MVB12B: variants seen among roughly 807,000 people sequenced by gnomAD.
MVB12B encodes the protein ESCRT-I complex subunit MVB12B.
In MVB12B, 16 loss-of-function variants were observed where a neutral mutation model predicts 41.6. The observed-to-expected ratio is 0.38, with a 90% CI of 0.26 to 0.58. The LOEUF (loss-of-function observed/expected upper bound fraction) is 0.58. MVB12B is among the 20% of genes least tolerant of loss of function. MVB12B has a pLI of 0.62. For synonymous variants in MVB12B, 133 were observed against 139.7 expected (o/e 0.95, Z 0.34); for missense variants, 274 against 380.2 (o/e 0.72, Z 2.32).
chr9:126,439,110 C>G (rs1832568174), intron 7 of MVB12B, among the ~76,000 whole-genome samples: 1 of 152,022 alleles, frequency 6.6e-6, no homozygotes, highest in South Asian at 2.1e-4. Flanking sequence ...AATACACTTC[C>G]ACCAGCAACA....
At chr9:126,400,810 C>T (rs892612746) in intron 6 of MVB12B, among the ~76,000 whole-genome samples, 9 of 152,326 alleles carry the variant, frequency 5.9e-5, no homozygotes, top group African/African-American at 1.7e-4. Flanking sequence ...CCACAACGTC[C>T]GGGGCCCTCC....
At chr9:126,341,862 A>G (rs1303377357) in intron 2 of MVB12B, among the ~76,000 whole-genome samples, 1 of 152,194 alleles carries the variant, frequency 6.6e-6, no homozygotes, top group Non-Finnish European at 1.5e-5. Context: ...GCAATGGTCA[A>G]GGCAGATCTG....
intron 2 of MVB12B, among the ~76,000 whole-genome samples, chr9:126,371,051 T>C (rs1174807701): frequency 1.3e-5 from 2 of 152,260 alleles, no homozygotes; most frequent in East Asian, 3.8e-4. Flanking sequence ...TCCTCTGTAG[T>C]GACGATCAGG....
intron 6 of MVB12B, chr9:126,408,281 A>T (rs1831508179): frequency 6.6e-6 from 1 of 152,244 alleles, no homozygotes; most frequent in Non-Finnish European, 1.5e-5. Context: ...ACACAACTTC[A>T]ATTAGTTTGC....
chr9:126,374,577 G>A (rs1247141942), intron 2 of MVB12B, among the ~76,000 whole-genome samples: 1 of 152,242 alleles, frequency 6.6e-6, no homozygotes, highest in Non-Finnish European at 1.5e-5. Context: ...GTAGAGCCTT[G>A]TGTCGATTCT....
rs1217192953 is a variant in MVB12B at position 126,480,803 on chromosome 9, C to A, written c.758-566C>A. 1 of 152,646 alleles carries A rather than the reference C, an allele frequency of 6.6e-6. No individual in the cohort carries two copies. The highest frequency in any genetic ancestry group is 1.9e-4 in the East Asian group (1 of 5,212). The allele number at this position is 152,646 out of a possible 1,614,324, so 9.5% of individuals were successfully genotyped here. The stretch of plus-strand genomic sequence containing the variant: ...CACCCTGTCATGTAGGTGGCGCCAT[C>A]TTTTTAAATGTGACTTCAGTTTTTC... On this transcript the variant is annotated intron_variant, in intron 7 of 9. Coordinates refer to ENST00000361171, the MANE Select transcript of MVB12B (RefSeq NM_033446.3). This position sits in a 1 kb window ranked among gnomAD's most constrained non-coding sequence, Gnocchi z 4.9.
Position 126,386,707 on chromosome 9 carries a change from C to T in MVB12B, c.409+49C>T, listed in dbSNP as rs1830805073. The T allele has an allele frequency of 7.3e-7, 1 of 1,363,988 alleles. No individual in the cohort carries two copies. The allele number at this position is 1,363,988 out of a possible 1,614,324, so 84.5% of individuals were successfully genotyped here. A position where few individuals can be genotyped will look rare whatever the true frequency, so the allele number is the denominator to read the frequency against. On this transcript the variant is annotated intron_variant, in intron 4 of 9. Coordinates refer to ENST00000361171, the MANE Select transcript of MVB12B (RefSeq NM_033446.3). The surrounding 1 kb of genome is among the most constrained non-coding windows in gnomAD (Gnocchi z 4.3). ...CATCACAATGAGCGTTTTCTTCCTC[C>T]AGGTATATTTGTAGGTGTTTTTCTA...
At position 126,478,598 on chromosome 9, in the gene MVB12B, C is replaced by T. The variant is rs982630008; in HGVS notation, c.758-2771C>T. ...AGAGGGAGGGAAGGGATGGGTAAGC[C>T]GGGAAGAGGGTCAGGTGCAAGGGGC... is the stretch of plus-strand genomic sequence containing the variant. On this transcript the variant is annotated intron_variant, in intron 7 of 9. Transcript: ENST00000361171. The surrounding 1 kb of genome is among the most constrained non-coding windows in gnomAD (Gnocchi z 4.2). Among the ~76,000 whole-genome samples, 4 of 152,152 alleles carry T rather than the reference C, an allele frequency of 2.6e-5. No homozygotes were observed. Among genetic ancestry groups the T allele is most frequent in the South Asian group, 4.1e-4 (2 of 4,822 alleles).
chr9:126,503,491 G>T lies in MVB12B; in HGVS notation c.*228G>T. The T allele has an allele frequency of 1.7e-6, 1 of 576,040 alleles. No homozygotes were observed. The highest frequency in any genetic ancestry group is 3.1e-6 in the Non-Finnish European group (1 of 323,338). 35.7% of individuals were successfully genotyped at this position (576,040 alleles called of 1,614,324 possible). A position where few individuals can be genotyped will look rare whatever the true frequency, so the allele number is the denominator to read the frequency against. On this transcript the variant is annotated 3_prime_UTR_variant, in exon 10 of 10. Coordinates refer to ENST00000361171, the MANE Select transcript of MVB12B (RefSeq NM_033446.3). ...GTTCATAACCATGACTAATCTGTGT[G>T]TGCTGTAGTGACCAGCGGCTCCTAA...
intron 7 of MVB12B, chr9:126,427,015 G>A (rs1354467315): frequency 6.6e-6 from 1 of 152,150 alleles, no homozygotes; most frequent in Non-Finnish European, 1.5e-5. Flanking sequence ...CCACATTATT[G>A]CCACATGAGT....
chr9:126,470,646 C>CCGTGTG (rs1554783714), intron 7 of MVB12B, among the ~76,000 whole-genome samples: 1 of 143,514 alleles, frequency 7.0e-6, no homozygotes, highest in South Asian at 2.3e-4. Context: ...AGTCAGTGCT[C>CCGTGTG]TGTGTGTGTG....
intron 7 of MVB12B, among the ~76,000 whole-genome samples, chr9:126,479,071 T>C (rs1833473036): frequency 2.0e-5 from 3 of 151,916 alleles, no homozygotes; most frequent in African/African-American, 7.3e-5. Context: ...AGAGAAGCTG[T>C]GGAAGAGATG....
intron 1 of MVB12B, among the ~76,000 whole-genome samples, chr9:126,331,202 G>A (rs945780002): frequency 2.6e-5 from 4 of 152,174 alleles, no homozygotes; most frequent in African/African-American, 9.7e-5. Context: ...ATAACATAGT[G>A]GCTGTGCCAT....
chr9:126,427,206 C>G (rs1002489577), intron 7 of MVB12B, among the ~76,000 whole-genome samples: 2 of 151,928 alleles, frequency 1.3e-5, no homozygotes, highest in African/African-American at 4.8e-5. Flanking sequence ...ACAGCTTATA[C>G]ATATATATAT....
chr9:126,500,466 C>A (rs2119240928), intron 9 of MVB12B, among the ~76,000 whole-genome samples: 1 of 152,186 alleles, frequency 6.6e-6, no homozygotes, highest in African/African-American at 2.4e-5. Context: ...TCCATGTCCA[C>A]ACCCATTCCC....
chr9:126,326,981 C>T lies in MVB12B; in HGVS notation c.52C>T (p.Pro18Ser), dbSNP rs1162858066. ...RRSRDPPPPQ[P>S]PPPPPQRGTD... ...GAGCCGGGACCCGCCGCCGCCGCAG[C>T]CACCGCCGCCGCCGCCCCAGCGGGG... The change falls in exon 1 of 10, where the codon CCA becomes TCA. Residue 18 changes from proline to serine, a missense_variant. Coordinates refer to ENST00000361171, the MANE Select transcript of MVB12B (RefSeq NM_033446.3). The T allele has an allele frequency of 7.8e-6, 2 of 256,304 alleles. No homozygotes were observed. The highest frequency in any genetic ancestry group is 1.6e-5 in the Non-Finnish European group (2 of 128,242). The allele number at this position is 256,304 out of a possible 1,614,324, so 15.9% of individuals were successfully genotyped here.
chr9:126,483,973 A>G lies in MVB12B; in HGVS notation c.814A>G (p.Met272Val), dbSNP rs746940748. ...AGGGCAACTTCATCTGTGTTTTCAGATGCAGCCCTTTGATCTCCTGGGAAT... is the reference window on the plus strand; with the variant it reads ...AGGGCAACTTCATCTGTGTTTTCAGGTGCAGCCCTTTGATCTCCTGGGAAT... ...SEKFSCVPESMQPFDLLGITI... is the reference protein window; with the variant it reads ...SEKFSCVPESVQPFDLLGITI... Residue 272 changes from methionine to valine, a missense_variant and splice_region_variant, in exon 9 of 10, where the codon ATG becomes GTG. Transcript: ENST00000361171. The G allele has an allele frequency of 3.1e-6, 5 of 1,614,140 alleles. No homozygotes were observed. The Admixed American group carries it at 8.3e-5, about 27-fold the overall frequency.
At chr9:126,375,363 C>CTTTTTTTTTTTT (rs35585049) in intron 2 of MVB12B, among the ~76,000 whole-genome samples, 2 of 105,192 alleles carry the variant, frequency 1.9e-5, no homozygotes, top group Non-Finnish European at 3.6e-5. Flanking sequence ...TAAATTGATT[C>CTTTTTTTTTTTT]TTTTTTTTTT....
At chr9:126,332,350 A>G (rs975818046) in intron 1 of MVB12B, among the ~76,000 whole-genome samples, 1 of 151,880 alleles carries the variant, frequency 6.6e-6, no homozygotes, top group Admixed American at 6.6e-5. Flanking sequence ...TTGGCTGTGC[A>G]CTCTCCAGTC....
Sources: gnomAD v4.1 joint callset for allele counts (sites outside exome capture counted in the v4.1 genomes callset) on GRCh38, gnomAD v4.1.1 for gene constraint, Gnocchi (gnomAD v3.1) non-coding constraint, MANE v1.5 for transcripts, NCBI Gene and HGNC (gene_info 2026-07-23, HGNC 2026-07-21) for gene names.